Variants in LRRC37B observed in about 807,000 individuals in gnomAD.
The protein encoded by LRRC37B is leucine-rich repeat-containing protein 37B.
Under a neutral mutation model 98.3 loss-of-function variants are expected in LRRC37B, and 28 were observed. That is an observed-to-expected ratio of 0.28 (90% CI 0.21 to 0.39). LRRC37B has a LOEUF of 0.39. Among genes scored for constraint, LRRC37B ranks in the 10% least tolerant of loss-of-function variants. The probability of loss-of-function intolerance (pLI) is 1.00; values close to 1 mark genes in which losing one functional copy is unlikely to be tolerated. For synonymous variants in LRRC37B, 364 were observed against 442.7 expected (o/e 0.82, Z 2.23); for missense variants, 938 against 1,182.7 (o/e 0.79, Z 3.03).
At chr17:32,014,704 A>G (rs1296726344) in intron 1 of LRRC37B, among the ~76,000 whole-genome samples, 1 of 147,702 alleles carries the variant, frequency 6.8e-6, no homozygotes, top group Non-Finnish European at 1.5e-5. Flanking sequence ...ATGTAGATAT[A>G]GATAGATAGA....
chr17:32,009,799 CCAT>C (rs1265594114), intron 1 of LRRC37B, among the ~76,000 whole-genome samples: 1 of 151,928 alleles, frequency 6.6e-6, no homozygotes, highest in African/African-American at 2.4e-5. Flanking sequence ...CATGCCACCA[CCAT>C]GTGTGGCTAA....
chr17:32,019,399 A>G (rs772285140), upstream of LRRC37B, among the ~76,000 whole-genome samples: 1 of 152,220 alleles, frequency 6.6e-6, no homozygotes, highest in Non-Finnish European at 1.5e-5. Context: ...TACACCACCT[A>G]TGTTTGTGTA....
chr17:32,047,793 G>A (rs762627865), exon 9 of LRRC37B: 36 of 1,613,898 alleles, frequency 2.2e-5, no homozygotes, highest in Non-Finnish European at 2.5e-6. Context: ...TCCAGAAGGA[G>A]CGTTCATGAA....
At chr17:32,042,455 C>T (rs942914776) in intron 7 of LRRC37B, 2 of 157,110 alleles carry the variant, frequency 1.3e-5, no homozygotes, top group African/African-American at 2.4e-5. Flanking sequence ...AGCCAGGCCT[C>T]CCCTTGCCAA....
At chr17:32,007,606 C>A (rs138406608), upstream of LRRC37B, among the ~76,000 whole-genome samples, 2 of 151,678 alleles carry the variant, frequency 1.3e-5, no homozygotes, top group South Asian at 4.1e-4. The surrounding 1 kb of genome is among the most constrained non-coding windows in gnomAD (Gnocchi z 4.1). Flanking sequence ...TGGGCTCCAA[C>A]AAGAGGGGCC....
intron 2 of LRRC37B, among the ~76,000 whole-genome samples, chr17:32,026,244 G>GT (rs1368666585): frequency 2.0e-5 from 3 of 152,208 alleles, no homozygotes; most frequent in Non-Finnish European, 2.9e-5. Context: ...GCCATGTGCA[G>GT]TGGCTCACGC....
chr17:32,018,671 T>TG (rs948072044), upstream of LRRC37B, among the ~76,000 whole-genome samples: 3 of 152,106 alleles, frequency 2.0e-5, no homozygotes, highest in South Asian at 2.1e-4. Context: ...ACCAGAGATG[T>TG]GGGGGGAATG....
chr17:32,020,919 A>C, upstream of LRRC37B: 1 of 1,411,998 alleles, frequency 7.1e-7, no homozygotes, highest in African/African-American at 1.4e-5. Context: ...TTCCTCACTA[A>C]GGGGAGGGGA....
intron 7 of LRRC37B, chr17:32,041,178 C>T (rs568044395): frequency 2.7e-5 from 21 of 771,914 alleles, no homozygotes; most frequent in South Asian, 9.4e-5. Flanking sequence ...ACGCCCCAAG[C>T]GGGAGTATAA....
intron 2 of LRRC37B, among the ~76,000 whole-genome samples, chr17:32,025,416 AGGTAATGCTACT>A (rs1276886935): frequency 6.6e-6 from 1 of 151,754 alleles, no homozygotes; most frequent in East Asian, 1.9e-4. Flanking sequence ...CTCATCCCTG[AGGTAATGCTACT>A]GTGTGTTTAG....
At chr17:32,042,660 C>T (rs532855099) in intron 7 of LRRC37B, 165 of 152,848 alleles carry the variant, frequency 1.1e-3, no homozygotes, top group African/African-American at 3.9e-3. Context: ...TTCCCTTCCC[C>T]CTGAGGCCCA....
upstream of LRRC37B, among the ~76,000 whole-genome samples, chr17:32,016,065 A>G (rs1156360229): frequency 6.6e-6 from 1 of 152,214 alleles, no homozygotes; most frequent in African/African-American, 2.4e-5. Flanking sequence ...TATGACCACA[A>G]TGCAGATTTA....
chr17:32,046,362 A>G (rs922146077), intron 8 of LRRC37B, among the ~76,000 whole-genome samples: 4 of 152,224 alleles, frequency 2.6e-5, no homozygotes. Flanking sequence ...TTCCATTCTT[A>G]GTCCATCCAA....
chr17:32,034,870 T>C (rs1481112833), intron 5 of LRRC37B, 40 bp from the exon 9 acceptor site: 2 of 1,473,096 alleles, frequency 1.4e-6, no homozygotes, highest in African/African-American at 1.4e-5. Context: ...GTTTCACACA[T>C]TGAAAATGCA....
intron 7 of LRRC37B, among the ~76,000 whole-genome samples, chr17:32,039,771 T>C (rs1258567366): frequency 6.6e-5 from 10 of 151,280 alleles, no homozygotes; most frequent in South Asian, 2.1e-4. Context: ...AAAGGGCCCT[T>C]CATTTGGCAC....
intron 11 of LRRC37B, chr17:32,052,629 C>T (rs556944378): frequency 6.6e-6 from 1 of 152,162 alleles, no homozygotes; most frequent in African/African-American, 2.4e-5. Context: ...TTAGAAAGTA[C>T]AGTATAACAA....
rs777765434 is a variant in LRRC37B, at chr17:32,031,373, T to G, written c.1977-5T>G. 17 of 1,609,456 alleles carry G rather than the reference T, an allele frequency of 1.1e-5. 1 individual carries two copies. The highest frequency in any genetic ancestry group is 9.3e-6 in the Non-Finnish European group (11 of 1,179,172). Reference sequence around the variant, plus strand: ...TTTTCCTTTGGCTTATGTCTTTTTTTGTAGAAATCTGGGCTGCAATTTAAT... The same window carrying G: ...TTTTCCTTTGGCTTATGTCTTTTTTGGTAGAAATCTGGGCTGCAATTTAAT... On this transcript the variant is annotated splice_polypyrimidine_tract_variant and splice_region_variant and intron_variant, in intron 4 of 11. Coordinates refer to ENST00000327564, the Ensembl canonical transcript of LRRC37B.
intron 6 of LRRC37B, 69 bp downstream of exon 9, chr17:32,035,050 A>T: frequency 8.5e-7 from 1 of 1,173,804 alleles, no homozygotes; most frequent in Non-Finnish European, 1.2e-6. Context: ...TCAAAGATAA[A>T]GTATTTTGCA....
chr17:32,036,452 A>G (rs1235365178), intron 7 of LRRC37B, among the ~76,000 whole-genome samples: 1 of 152,218 alleles, frequency 6.6e-6, no homozygotes, highest in Non-Finnish European at 1.5e-5. Flanking sequence ...TAATACAACA[A>G]TAAAACAGTA....
Sources: allele counts gnomAD v4.1 joint callset (sites outside exome capture counted in the v4.1 genomes callset), GRCh38; gene constraint gnomAD v4.1.1; non-coding constraint Gnocchi (gnomAD v3.1); transcripts MANE v1.5; gene names NCBI Gene and HGNC (gene_info 2026-07-23, HGNC 2026-07-21).